The following EFCAB5 variants were observed in gnomAD, a reference collection of about 807,000 sequenced individuals.
The protein encoded by EFCAB5 is EF-hand calcium-binding domain-containing protein 5.
In EFCAB5, 131 loss-of-function variants were observed where a neutral mutation model predicts 167.9. That is an observed-to-expected ratio of 0.78 (90% CI 0.68 to 0.90). EFCAB5 has a LOEUF of 0.90. Ranked by LOEUF, EFCAB5 falls within the 40% of genes least tolerant of loss-of-function variation. EFCAB5 has a pLI of 0.00. For synonymous variants in EFCAB5, 574 were observed against 602.8 expected, an observed-to-expected ratio of 0.95 and a Z score of 0.70; for missense variants, 1,663 against 1,745.2, an observed-to-expected ratio of 0.95 and a Z score of 0.84.
intron 8 of EFCAB5, among the ~76,000 whole-genome samples, chr17:30,039,693 C>T (rs1233916721): frequency 6.6e-6 from 1 of 152,156 alleles, no homozygotes; most frequent in African/African-American, 2.4e-5. Flanking sequence ...AAGGGATTGC[C>T]CCTGCCCCAA....
At chr17:29,978,737 A>G (rs1161819585) in intron 4 of EFCAB5, among the ~76,000 whole-genome samples, 1 of 152,222 alleles carries the variant, frequency 6.6e-6, no homozygotes, top group Non-Finnish European at 1.5e-5. Flanking sequence ...ACTATTGAGA[A>G]TGTCCAGAAA....
At chr17:30,072,137 A>C (rs1036522967) in intron 14 of EFCAB5, among the ~76,000 whole-genome samples, 1 of 152,178 alleles carries the variant, frequency 6.6e-6, no homozygotes, top group Admixed American at 6.5e-5. Context: ...AAATAGCTAA[A>C]AGAGCAGATT....
chr17:30,096,679 T>TATATA (rs1567776941), intron 22 of EFCAB5, among the ~76,000 whole-genome samples: 3 of 63,178 alleles, frequency 4.7e-5, no homozygotes, highest in East Asian at 1.1e-3. Context: ...ATATATATAT[T>TATATA]TTTTTTTTTT....
intron 7 of EFCAB5, among the ~76,000 whole-genome samples, chr17:30,014,484 C>T (rs758389620): frequency 6.6e-6 from 1 of 152,102 alleles, no homozygotes; most frequent in Non-Finnish European, 1.5e-5. Context: ...CTGGGTGTTC[C>T]TGTATTGAGT....
In EFCAB5 at chr17:30,077,067, T is replaced by G. The variant is rs572830799; in HGVS notation, c.2738-1148T>G. On this transcript the variant is annotated intron_variant, in intron 14 of 22. Coordinates refer to ENST00000394835, the MANE Select transcript of EFCAB5 (RefSeq NM_198529.4). ...CTGTAATCCCAGCACTTTGGGACGCTGAGGTGGGCAGATCATCTGAGGTCA... is the reference window on the plus strand; with the variant it reads ...CTGTAATCCCAGCACTTTGGGACGCGGAGGTGGGCAGATCATCTGAGGTCA... 6.1e-3 allele frequency among the ~76,000 whole-genome samples: 923 copies of G among 152,252 alleles called. 4 individuals carry two copies. Among genetic ancestry groups the G allele is most frequent in the African/African-American group, 0.021 (887 of 41,550 alleles).
At chr17:29,999,045 T>C (rs986150473) in intron 6 of EFCAB5, among the ~76,000 whole-genome samples, 1 of 152,180 alleles carries the variant, frequency 6.6e-6, no homozygotes, top group Admixed American at 6.5e-5. Context: ...TTTTGTTTCT[T>C]GACTCTTCTT....
At chr17:29,977,022 C>T (rs2068075858) in intron 4 of EFCAB5, among the ~76,000 whole-genome samples, 3 of 152,120 alleles carry the variant, frequency 2.0e-5, no homozygotes, top group Admixed American at 1.3e-4. Flanking sequence ...TTAAAGTGGA[C>T]TTTAATTCTT....
intron 1 of EFCAB5, chr17:29,929,962 G>T: frequency 6.2e-7 from 1 of 1,603,700 alleles, no homozygotes. Context: ...TGGAGGTGGT[G>T]CTGGGGGTAG....
At chr17:30,020,347 T>C (rs937877062) in intron 7 of EFCAB5, among the ~76,000 whole-genome samples, 4 of 151,646 alleles carry the variant, frequency 2.6e-5, no homozygotes, top group African/African-American at 9.7e-5. Flanking sequence ...ATTTTACCTA[T>C]GCACTATTCT....
chr17:29,940,404 T>G (rs987182686), upstream of EFCAB5, among the ~76,000 whole-genome samples: 1 of 152,174 alleles, frequency 6.6e-6, no homozygotes, highest in Non-Finnish European at 1.5e-5. Context: ...AAGGCAGGTC[T>G]TATTCATCCT....
At chr17:30,006,386 A>G (rs1467075424) in intron 7 of EFCAB5, among the ~76,000 whole-genome samples, 4 of 152,140 alleles carry the variant, frequency 2.6e-5, no homozygotes, top group Non-Finnish European at 5.9e-5. Flanking sequence ...TTCCCAAATC[A>G]GTTAAATATT....
At chr17:30,098,467 G>A (rs2071335013) in intron 22 of EFCAB5, among the ~76,000 whole-genome samples, 2 of 151,498 alleles carry the variant, frequency 1.3e-5, no homozygotes, top group Non-Finnish European at 2.9e-5. Flanking sequence ...AAGAGGTTGA[G>A]GCTGCAGTGA....
chr17:30,081,138 G>A (rs1420552697), intron 17 of EFCAB5, among the ~76,000 whole-genome samples, 157 bp downstream of exon 17: 1 of 152,148 alleles, frequency 6.6e-6, no homozygotes, highest in Non-Finnish European at 1.5e-5. Flanking sequence ...TCAGTCTTTT[G>A]AGAAGTTCCC....
chr17:30,073,316 C>T (rs543612507), intron 14 of EFCAB5: 11 of 544,132 alleles, frequency 2.0e-5, no homozygotes, highest in South Asian at 1.0e-4. Flanking sequence ...CTCAGTCTCC[C>T]GAAGTGCTGG....
At chr17:29,977,745 C>T (rs2068089857) in intron 4 of EFCAB5, among the ~76,000 whole-genome samples, 2 of 152,142 alleles carry the variant, frequency 1.3e-5, no homozygotes, top group South Asian at 4.1e-4. Context: ...CAGCTACATA[C>T]AAGAGAAGAC....
chr17:29,932,800 A>G (rs1801489077), intron 1 of EFCAB5, among the ~76,000 whole-genome samples: 1 of 152,114 alleles, frequency 6.6e-6, no homozygotes, highest in Non-Finnish European at 1.5e-5. Flanking sequence ...AGTGGTCAAG[A>G]CATGTTTCAT....
At chr17:30,007,258 G>C (rs988460616) in intron 7 of EFCAB5, among the ~76,000 whole-genome samples, 4 of 152,142 alleles carry the variant, frequency 2.6e-5, no homozygotes, top group Non-Finnish European at 5.9e-5. Context: ...GAAAACCCTA[G>C]TTCCATGTGG....
At chr17:29,951,126 A>T (rs1386620093) in intron 3 of EFCAB5, among the ~76,000 whole-genome samples, 1 of 152,222 alleles carries the variant, frequency 6.6e-6, no homozygotes, top group African/African-American at 2.4e-5. Flanking sequence ...CCCATATTGG[A>T]ATAAGAGAAG....
intron 14 of EFCAB5, among the ~76,000 whole-genome samples, chr17:30,076,750 C>T (rs560261058): frequency 1.4e-4 from 21 of 152,246 alleles, no homozygotes; most frequent in Middle Eastern, 3.4e-3. Flanking sequence ...GAGACATTTA[C>T]AAAATGCTCA....
Sources: allele counts gnomAD v4.1 joint callset (sites outside exome capture counted in the v4.1 genomes callset), GRCh38; gene constraint gnomAD v4.1.1; transcripts MANE v1.5; gene names NCBI Gene and HGNC (gene_info 2026-07-23, HGNC 2026-07-21).